The following MTMR6 variants were observed in gnomAD, a reference collection of about 807,000 sequenced individuals.
The protein encoded by MTMR6 is myotubularin related protein 6, also known as phosphatidylinositol-3,5-bisphosphate 3-phosphatase MTMR6.
A neutral mutation model predicts 80.1 loss-of-function variants in MTMR6; 47 were observed. The ratio of observed to expected loss-of-function variants is 0.59; its 90% CI spans 0.46 to 0.75. The LOEUF (loss-of-function observed/expected upper bound fraction) is 0.75. MTMR6 is among the 30% of genes least tolerant of loss of function. The probability of loss-of-function intolerance (pLI) is 0.00; values close to 1 mark genes in which losing one functional copy is unlikely to be tolerated. For synonymous variants in MTMR6, 254 were observed against 253.0 expected (o/e 1.00, Z -0.04); for missense variants, 629 against 730.9 (o/e 0.86, Z 1.61).
chr13:25,268,712 C>T (rs774460676), intron 2 of MTMR6, among the ~76,000 whole-genome samples: 3 of 152,152 alleles, frequency 2.0e-5, no homozygotes, highest in Non-Finnish European at 2.9e-5. Flanking sequence ...GGGGGAGGTG[C>T]AGCCAGGGTT....
At chr13:25,254,251 G>T in intron 10 of MTMR6, 134 bp downstream of exon 10, 1 of 726,290 alleles carries the variant, frequency 1.4e-6, no homozygotes, top group Non-Finnish European at 2.4e-6. Flanking sequence ...ATGTCTTTAC[G>T]TAAAATACAG....
chr13:25,260,715 G>C (rs1957315186), intron 6 of MTMR6: 1 of 1,129,178 alleles, frequency 8.9e-7, no homozygotes, highest in Admixed American at 3.1e-5. Context: ...AGTAACGTTA[G>C]CTATTACCAC....
intron 2 of MTMR6, among the ~76,000 whole-genome samples, chr13:25,269,009 C>T (rs976476486): frequency 6.6e-5 from 10 of 152,304 alleles, no homozygotes; most frequent in African/African-American, 1.7e-4. Context: ...CAGATACTGT[C>T]GTGATCTAGC....
intron 5 of MTMR6, among the ~76,000 whole-genome samples, chr13:25,262,717 A>C (rs1428853683): frequency 6.6e-6 from 1 of 152,232 alleles, no homozygotes; most frequent in Non-Finnish European, 1.5e-5. Flanking sequence ...AGATCCATAT[A>C]CTTTTTCTCC....
intron 8 of MTMR6, among the ~76,000 whole-genome samples, 173 bp from the exon 9 acceptor site, chr13:25,257,494 GCAAA>G (rs1283233662): frequency 6.7e-6 from 1 of 149,070 alleles, no homozygotes; most frequent in Admixed American, 6.7e-5. Context: ...AAAAACACAA[GCAAA>G]CAAACAAAAA....
chr13:25,256,381 C>T lies in MTMR6; in HGVS notation c.1095+815G>A, dbSNP rs573585060. On this transcript the variant is annotated intron_variant, in intron 9 of 13. Coordinates refer to ENST00000381801, the MANE Select transcript of MTMR6 (RefSeq NM_004685.5). ...ATTATTTTCTTATTAGCAGCACTCCCGCTTGGCCTGTCCCAGAGTCGGTAT... is the reference window on the plus strand; with the variant it reads ...ATTATTTTCTTATTAGCAGCACTCCTGCTTGGCCTGTCCCAGAGTCGGTAT... Among the ~76,000 whole-genome samples the T allele has an allele frequency of 7.9e-5, 12 of 152,306 alleles. No homozygotes were observed. The East Asian group carries it at 1.2e-3, about 15-fold the overall frequency.
At chr13:25,266,319 A>G (rs368613787) in intron 3 of MTMR6, 33 bp from the exon 4 acceptor site, 5 of 1,542,610 alleles carry the variant, frequency 3.2e-6, no homozygotes, top group Non-Finnish European at 4.5e-6. Flanking sequence ...TGTTAAGTGC[A>G]ATTTATAAGA....
chr13:25,258,480 C>T (rs1197891684), intron 7 of MTMR6, 80 bp downstream of exon 7: 3 of 1,255,680 alleles, frequency 2.4e-6, no homozygotes, highest in Non-Finnish European at 3.2e-6. Flanking sequence ...AATGTGACCA[C>T]TGGAAAATTC....
intron 2 of MTMR6, among the ~76,000 whole-genome samples, chr13:25,272,422 T>C (rs978021442): frequency 6.6e-6 from 1 of 152,088 alleles, no homozygotes; most frequent in African/African-American, 2.4e-5. Flanking sequence ...AACCTAGAAC[T>C]CTTTATTTGT....
intron 1 of MTMR6, among the ~76,000 whole-genome samples, chr13:25,284,151 G>C (rs893129866): frequency 1.3e-5 from 2 of 152,030 alleles, no homozygotes; most frequent in Non-Finnish European, 2.9e-5. Flanking sequence ...AGGTTTGGGG[G>C]GGAAGCTCTT....
At chr13:25,270,707 C>G (rs988367129) in intron 2 of MTMR6, among the ~76,000 whole-genome samples, 2 of 152,128 alleles carry the variant, frequency 1.3e-5, no homozygotes, top group African/African-American at 2.4e-5. Context: ...TCTCCAAGAT[C>G]AGTATCTCAA....
chr13:25,287,111 T>A, intron 1 of MTMR6, 113 bp downstream of exon 1: 1 of 1,453,946 alleles, frequency 6.9e-7, no homozygotes, highest in Non-Finnish European at 9.3e-7. Context: ...CCGGGCCGGG[T>A]CTCCGCCGGG....
At chr13:25,269,824 C>T (rs1235524259) in intron 2 of MTMR6, among the ~76,000 whole-genome samples, 1 of 152,040 alleles carries the variant, frequency 6.6e-6, no homozygotes, top group South Asian at 2.1e-4. Context: ...AATTAACACA[C>T]ACACACACAT....
intron 9 of MTMR6, among the ~76,000 whole-genome samples, chr13:25,256,399 G>A (rs112452456): frequency 2.4e-4 from 37 of 152,200 alleles, no homozygotes; most frequent in Admixed American, 6.5e-5. Flanking sequence ...CTGTCCCAGA[G>A]TCGGTATGTT....
chr13:25,256,561 A>T (rs913984071), intron 9 of MTMR6, among the ~76,000 whole-genome samples: 1 of 152,222 alleles, frequency 6.6e-6, no homozygotes, highest in African/African-American at 2.4e-5. Flanking sequence ...AAATTTTGAA[A>T]ACATAAGTTA....
In MTMR6 at chr13:25,247,609, C is replaced by T. The variant is rs1173136249; in HGVS notation, c.*1623G>A. ...TAGTCACAGAGATTAAGTTTCCATT[C>T]CCAGTGCTTAAATATGGAAGCAGGA... On this transcript the variant is annotated 3_prime_UTR_variant, in exon 14 of 14. Coordinates refer to ENST00000381801, the MANE Select transcript of MTMR6 (RefSeq NM_004685.5). 1 of 152,148 alleles carries T rather than the reference C, an allele frequency of 6.6e-6. No homozygotes were observed. Among genetic ancestry groups the T allele is most frequent in the Non-Finnish European group, 1.5e-5 (1 of 67,996 alleles). The allele number at this position is 152,148 out of a possible 1,614,324, so 9.4% of individuals were successfully genotyped here.
chr13:25,257,121 T>C, intron 9 of MTMR6, 75 bp downstream of exon 9: 5 of 1,447,198 alleles, frequency 3.5e-6, no homozygotes, highest in South Asian at 2.6e-5. Context: ...GTCTCCAACA[T>C]TGCCAAATGT....
At chr13:25,279,238 TC>T (rs1957791274) in intron 1 of MTMR6, among the ~76,000 whole-genome samples, 1 of 152,106 alleles carries the variant, frequency 6.6e-6, no homozygotes, top group African/African-American at 2.4e-5. Flanking sequence ...GGGGGTGGTT[TC>T]CCCCATGCTG....
chr13:25,267,105 G>A (rs879645131), intron 3 of MTMR6, among the ~76,000 whole-genome samples: 7 of 152,088 alleles, frequency 4.6e-5, no homozygotes, highest in Admixed American at 1.3e-4. Context: ...AAAATTAGCC[G>A]GGTGTGGTGG....
Sources: allele counts gnomAD v4.1 joint callset (sites outside exome capture counted in the v4.1 genomes callset), GRCh38; gene constraint gnomAD v4.1.1; transcripts MANE v1.5; gene names NCBI Gene and HGNC (gene_info 2026-07-23, HGNC 2026-07-21).